PARP6: variants seen among roughly 807,000 people sequenced by gnomAD.
PARP6 encodes protein mono-ADP-ribosyltransferase PARP6.
Under a neutral mutation model 92.0 loss-of-function variants are expected in PARP6, and 27 were observed. The ratio of observed to expected loss-of-function variants is 0.29; its 90% CI spans 0.22 to 0.40. The LOEUF (loss-of-function observed/expected upper bound fraction) is 0.40. Ranked by LOEUF, PARP6 falls within the 10% of genes least tolerant of loss-of-function variation. The pLI is 1.00. For synonymous variants in PARP6, 272 were observed against 281.2 expected (o/e 0.97, Z 0.33); for missense variants, 501 against 784.5 (o/e 0.64, Z 4.32).
intron 1 of PARP6, among the ~76,000 whole-genome samples, chr15:72,271,664 T>G (rs2087453410): frequency 6.6e-6 from 1 of 152,204 alleles, no homozygotes; most frequent in South Asian, 2.1e-4. Flanking sequence ...TTACATCTAA[T>G]CTTCATGTGA....
At position 72,260,700 on chromosome 15, in the gene PARP6, G is replaced by A. The variant is rs368831634; in HGVS notation, c.546-12C>T. On this transcript the variant is annotated splice_polypyrimidine_tract_variant and intron_variant, in intron 9 of 23. Transcript: ENST00000569795. ...GGAAACTGGGAGACCTGCAGAGAGA[G>A]AGCAAAGAGAAGTGATAAAACTGGG... 7.7e-5 allele frequency: 123 copies of A among 1,596,928 alleles called. No homozygotes were observed. Among genetic ancestry groups the A allele is most frequent in the Non-Finnish European group, 9.8e-5 (114 of 1,164,478 alleles).
At chr15:72,255,712 C>T (rs1219689282) in intron 14 of PARP6, among the ~76,000 whole-genome samples, 1 of 151,814 alleles carries the variant, frequency 6.6e-6, no homozygotes, top group South Asian at 2.1e-4. Flanking sequence ...CCTTCTCTCT[C>T]CATATATATC....
chr15:72,264,006 G>A (rs2086226026), intron 8 of PARP6, among the ~76,000 whole-genome samples: 1 of 147,244 alleles, frequency 6.8e-6, no homozygotes, highest in Non-Finnish European at 1.5e-5. Flanking sequence ...CTGGGTGAGA[G>A]CAAGACTCTG....
In PARP6 at chr15:72,261,592, G is replaced by A; in HGVS notation, c.511C>T (p.Arg171Ter). ...FKASGTIKKF[R>*]AGLSIFSPIP... ...GGTGAAAAGATGCTGAGGCCAGCTCGGAACTTCTTGATGGTACCACTTGCC... is the reference window on the plus strand; with the variant it reads ...GGTGAAAAGATGCTGAGGCCAGCTCAGAACTTCTTGATGGTACCACTTGCC... The change falls in exon 9 of 24, where the codon CGA (arginine) becomes TGA (stop). Residue 171 changes from arginine (R) to a stop codon, truncating the protein, a stop_gained. Coordinates refer to ENST00000569795, the MANE Select transcript of PARP6 (RefSeq NM_001323532.2). LOFTEE classifies it high-confidence loss of function. 6.2e-7 allele frequency: 1 copy of A among 1,614,138 alleles called. No individual in the cohort carries two copies.
rs570542740 is a variant in PARP6 at position 72,270,479 on chromosome 15, A to T, written c.-195+544T>A. ...GTCCTCAAAGTCAAGTCTAAATGTTAACAGGAAGATTAACCAACACTCCAC... is the reference window on the plus strand; with the variant it reads ...GTCCTCAAAGTCAAGTCTAAATGTTTACAGGAAGATTAACCAACACTCCAC... On this transcript the variant is annotated intron_variant, in intron 2 of 23. Transcript: ENST00000569795. Among the ~76,000 whole-genome samples the T allele has an allele frequency of 1.1e-4, 16 of 152,340 alleles. No homozygotes were observed. The East Asian group carries it at 3.1e-3, about 29-fold the overall frequency.
At position 72,265,403 on chromosome 15, in the gene PARP6, C is replaced by A. The variant is rs369436122; in HGVS notation, c.237+10G>T. 3 of 1,610,530 alleles carry A rather than the reference C, an allele frequency of 1.9e-6. No homozygotes were observed. In the African/African-American group the frequency reaches 4.0e-5, roughly 22 times the overall value. On this transcript the variant is annotated intron_variant, in intron 6 of 23. Transcript: ENST00000569795. ...TAGACATGTTGTTGGCAGGTACTAG[C>A]CCCACTTACATCGAGGAAGCTGATG...
At chr15:72,247,914 G>T (rs932121736) in intron 20 of PARP6, among the ~76,000 whole-genome samples, 2 of 150,480 alleles carry the variant, frequency 1.3e-5, no homozygotes, top group African/African-American at 4.9e-5. Context: ...TCTCGAGTAG[G>T]TGCATGCCAC....
chr15:72,258,103 T>A lies in PARP6; in HGVS notation c.840A>T (p.Pro280=). 6.2e-7 allele frequency: 1 copy of A among 1,613,698 alleles called. No individual in the cohort carries two copies. The highest frequency in any genetic ancestry group is 8.5e-7 in the Non-Finnish European group (1 of 1,179,564). ...QIMKYAEQRI[P]TLNEYCVVCD... Reference sequence around the variant, plus strand: ...ACACCACACAGTACTCATTCAATGTTGGAATCCTCTGTTCTGCATACTTCA... The same window carrying A: ...ACACCACACAGTACTCATTCAATGTAGGAATCCTCTGTTCTGCATACTTCA... Residue 280 remains proline, a synonymous_variant, in exon 12 of 24, where the codon CCA becomes CCT. Transcript: ENST00000569795.
Position 72,242,633 on chromosome 15 carries a change from T to C in PARP6, c.1628A>G (p.Asn543Ser). 1 of 1,605,516 alleles carries C rather than the reference T, an allele frequency of 6.2e-7. No individual in the cohort carries two copies. Among genetic ancestry groups the C allele is most frequent in the South Asian group, 1.1e-5 (1 of 90,928 alleles). The change falls in exon 21 of 24, where the codon AAT becomes AGT. Residue 543 changes from asparagine to serine, a missense_variant. By Grantham distance (46) the Asn-to-Ser change is conservative. Transcript: ENST00000569795. This position sits in a 1 kb window ranked among gnomAD's most constrained non-coding sequence, Gnocchi z 4.3. ...TAGTTCCAATACCTGGGGGATGGTA[T>C]TCATCCTGTTGTATCTCTGGACCAG... is the stretch of plus-strand genomic sequence containing the variant. ...DELVQRYNRMNTIPQTRSIQS... is the reference protein window; with the variant it reads ...DELVQRYNRMSTIPQTRSIQS...
chr15:72,264,645 T>C (rs770509153), intron 7 of PARP6, 24 bp from the exon 8 acceptor site: 1 of 1,592,206 alleles, frequency 6.3e-7, no homozygotes, highest in African/African-American at 1.3e-5. Context: ...AGAAGGCTAC[T>C]AGTAAGTACA....
At chr15:72,250,491 A>AT (rs1470406869) in intron 18 of PARP6, 1 of 326,994 alleles carries the variant, frequency 3.1e-6, no homozygotes, top group African/African-American at 2.1e-5. Flanking sequence ...ACCACTCCCT[A>AT]TAAGTTCTCT....
intron 2 of PARP6, among the ~76,000 whole-genome samples, chr15:72,268,090 TA>T (rs1312244453): frequency 6.6e-6 from 1 of 152,206 alleles, no homozygotes; most frequent in Non-Finnish European, 1.5e-5. Context: ...TACTTGCATA[TA>T]AAAAGACATG....
intron 20 of PARP6, chr15:72,243,478 T>TG (rs1256546078): frequency 1.3e-5 from 2 of 152,208 alleles, no homozygotes; most frequent in Non-Finnish European, 2.9e-5. Flanking sequence ...GCAACTAACT[T>TG]GAAGAATCCT....
chr15:72,247,557 T>C (rs1371283879), intron 20 of PARP6, among the ~76,000 whole-genome samples: 1 of 152,220 alleles, frequency 6.6e-6, no homozygotes, highest in African/African-American at 2.4e-5. Context: ...AGACTTTAGA[T>C]AAAACTAAAA....
chr15:72,254,133 T>G (rs1311670459), intron 15 of PARP6: 1 of 479,280 alleles, frequency 2.1e-6, no homozygotes, highest in Non-Finnish European at 4.0e-6. Flanking sequence ...CCCCTCCTCC[T>G]CACCCTCCCA....
intron 16 of PARP6, among the ~76,000 whole-genome samples, chr15:72,252,781 G>A (rs145005434): frequency 0.014 from 2,071 of 152,054 alleles, 28 homozygotes; most frequent in African/African-American, 0.024. Context: ...CACTGCACCC[G>A]GCCCTGTAAT....
rs539524202 is a variant in PARP6, at chr15:72,242,089, T to G, written c.1705+68A>C. 5.3e-6 allele frequency: 8 copies of G among 1,509,520 alleles called. No homozygotes were observed. The highest frequency in any genetic ancestry group is 1.7e-4 in the Middle Eastern group (1 of 5,844). The allele number at this position is 1,509,520 out of a possible 1,614,324, so 93.5% of individuals were successfully genotyped here. On this transcript the variant is annotated intron_variant, in intron 22 of 23. Coordinates refer to ENST00000569795, the MANE Select transcript of PARP6 (RefSeq NM_001323532.2). The surrounding 1 kb of genome is among the most constrained non-coding windows in gnomAD (Gnocchi z 4.3). ...TTCAACATCACTCTTGGCCAGATCA[T>G]GTGCCAAAATTACATCAGAAACAAA...
At chr15:72,272,353 TAG>T in intron 1 of PARP6, 38 bp downstream of exon 1, 1 of 152,524 alleles carries the variant, frequency 6.6e-6, no homozygotes, top group East Asian at 1.9e-4. Flanking sequence ...CTGTCCAGCC[TAG>T]GAGGGGCCCT....
Position 72,265,082 on chromosome 15 carries a change from TG to T in PARP6, c.326del (p.Pro109GlnfsTer22). ...RFSLSQYLDGPEPSIEVFQPS... is the reference protein window; with the variant it reads ...RFSLSQYLDGXEPSIEVFQPS... ...CTTGCCCAAAGTCACTGCCTTTACCTGGTCCATCTAGGTACTGGGAGAGAGA... is the reference window on the plus strand; with the variant it reads ...CTTGCCCAAAGTCACTGCCTTTACCTGTCCATCTAGGTACTGGGAGAGAGA... On this transcript the variant is annotated frameshift_variant and splice_region_variant, in exon 7 of 24. Coordinates refer to ENST00000569795, the MANE Select transcript of PARP6 (RefSeq NM_001323532.2). LOFTEE classifies it high-confidence loss of function. 1 of 1,608,098 alleles carries T rather than the reference TG, an allele frequency of 6.2e-7. No individual in the cohort carries two copies. Among genetic ancestry groups the T allele is most frequent in the Non-Finnish European group, 8.5e-7 (1 of 1,174,594 alleles).
Sources: allele counts gnomAD v4.1 joint callset (sites outside exome capture counted in the v4.1 genomes callset), GRCh38; gene constraint gnomAD v4.1.1; non-coding constraint Gnocchi (gnomAD v3.1); transcripts MANE v1.5; gene names NCBI Gene and HGNC (gene_info 2026-07-23, HGNC 2026-07-21).